The following BTBD2 variants were observed in gnomAD, a reference collection of about 807,000 sequenced individuals.
BTBD2 encodes the protein BTB/POZ domain-containing protein 2.
In BTBD2, 15 loss-of-function variants were observed where a neutral mutation model predicts 44.0. The ratio of observed to expected loss-of-function variants is 0.34; its 90% CI spans 0.23 to 0.53. The LOEUF (loss-of-function observed/expected upper bound fraction) is 0.53. Among genes scored for constraint, BTBD2 ranks in the 20% least tolerant of loss-of-function variants. The pLI is 0.95. For missense variants in BTBD2, 657 were observed against 746.4 expected, an observed-to-expected ratio of 0.88 and a Z score of 1.39; for synonymous variants, 443 against 335.9, an observed-to-expected ratio of 1.32 and a Z score of -3.49.
At chr19:2,000,836 C>T (rs981752368) in intron 1 of BTBD2, among the ~76,000 whole-genome samples, 2 of 152,206 alleles carry the variant, frequency 1.3e-5, no homozygotes, top group African/African-American at 2.4e-5. Flanking sequence ...CACTGGAACA[C>T]GACCCAGCCA....
intron 1 of BTBD2, among the ~76,000 whole-genome samples, chr19:2,000,927 CAGA>C (rs962025818): frequency 6.6e-6 from 1 of 152,164 alleles, no homozygotes; most frequent in African/African-American, 2.4e-5. Context: ...ACGCCAGGCA[CAGA>C]AGGACAAATC....
At chr19:1,996,543 G>A (rs1179799512) in intron 2 of BTBD2, among the ~76,000 whole-genome samples, 2 of 46,222 alleles carry the variant, frequency 4.3e-5, no homozygotes, top group East Asian at 8.1e-4. Context: ...GAGCAAAACT[G>A]TCAAAAAAAA....
intron 1 of BTBD2, among the ~76,000 whole-genome samples, chr19:2,012,822 C>T (rs925215134): frequency 6.6e-6 from 1 of 152,222 alleles, no homozygotes; most frequent in African/African-American, 2.4e-5. Context: ...AGTGCAATCG[C>T]ATACATGTCC....
At chr19:2,008,966 G>C (rs926988512) in intron 1 of BTBD2, among the ~76,000 whole-genome samples, 2 of 151,422 alleles carry the variant, frequency 1.3e-5, no homozygotes, top group Admixed American at 1.3e-4. Context: ...TGTGTTATGG[G>C]AACAAGGACT....
intron 3 of BTBD2, 93 bp from the exon 4 acceptor site, chr19:1,990,915 G>A (rs970539748): frequency 1.4e-5 from 16 of 1,147,766 alleles, no homozygotes; most frequent in Non-Finnish European, 1.9e-5. Flanking sequence ...ATGCAGCCCT[G>A]ACCACACGGG....
At chr19:1,987,084 G>C (rs756365423) in intron 7 of BTBD2, 82 bp downstream of exon 7, 2 of 1,593,276 alleles carry the variant, frequency 1.3e-6, no homozygotes, top group Admixed American at 1.7e-5. Context: ...GACCAGGGCC[G>C]GGGGTTCAGC....
chr19:2,004,447 A>ACG (rs2016368949), intron 1 of BTBD2, among the ~76,000 whole-genome samples: 1 of 151,832 alleles, frequency 6.6e-6, no homozygotes, highest in Non-Finnish European at 1.5e-5. Context: ...ACAGGCATGC[A>ACG]TCACCACGCC....
intron 1 of BTBD2, among the ~76,000 whole-genome samples, chr19:2,009,449 C>G (rs1218856034): frequency 6.6e-6 from 1 of 151,876 alleles, no homozygotes; most frequent in Non-Finnish European, 1.5e-5. Flanking sequence ...CCGCCTGACT[C>G]GGCCTCCCAA....
chr19:2,011,715 C>T (rs1051822703), intron 1 of BTBD2, among the ~76,000 whole-genome samples: 1 of 152,148 alleles, frequency 6.6e-6, no homozygotes, highest in African/African-American at 2.4e-5. Flanking sequence ...TCTCCTGCCT[C>T]CCCTTCCACC....
chr19:2,015,670 A>C lies in BTBD2; in HGVS notation c.34T>G (p.Cys12Gly). Residue 12 changes from cysteine (C) to glycine (G), a missense_variant, in exon 1 of 9, where the codon TGC becomes GGC. Cys to Gly is a radical substitution (Grantham distance 159, BLOSUM62 -3). Coordinates refer to ENST00000255608, the MANE Select transcript of BTBD2 (RefSeq NM_017797.4). Reference protein sequence around the residue: ...AAGGSGGRASCPPGVGVGPGT... With the variant: ...AAGGSGGRASGPPGVGVGPGT... The stretch of plus-strand genomic sequence containing the variant: ...GGGCCGACCCCGACCCCCGGCGGGC[A>C]CGACGCACGCCCGCCGCTCCCACCC... The C allele has an allele frequency of 2.0e-6, 2 of 979,056 alleles. No homozygotes were observed. The allele number at this position is 979,056 out of a possible 1,614,324, so 60.6% of individuals were successfully genotyped here. A position where few individuals can be genotyped will look rare whatever the true frequency, so the allele number is the denominator to read the frequency against.
rs1478105718 is a variant in BTBD2 at position 1,987,591 on chromosome 19, G to A, written c.1090C>T (p.Arg364Cys). The A allele has an allele frequency of 6.2e-7, 1 of 1,612,674 alleles. No homozygotes were observed. Among genetic ancestry groups the A allele is most frequent in the Non-Finnish European group, 8.5e-7 (1 of 1,179,692 alleles). Residue 364 changes from arginine (R) to cysteine (C), a missense_variant, in exon 6 of 9, where the codon CGC (arginine) becomes TGC (cysteine). By Grantham distance (180) the Arg-to-Cys change is radical. This residue lies in a region of BTBD2 where 449 missense variants were observed against 510.9 expected (regional missense o/e 0.88). Transcript: ENST00000255608. ...CACTCCTTCCCACGCAGGCAGCAGC[G>A]GGGCCGGTCAATGAACTCCACTCGT... ...KPRVEFIDRP[R>C]CCLRGKECSI...
intron 1 of BTBD2, among the ~76,000 whole-genome samples, chr19:2,012,047 T>G (rs1380974498): frequency 4.6e-5 from 7 of 150,888 alleles, no homozygotes; most frequent in East Asian, 1.9e-4. Context: ...GTAGAGACGG[T>G]GTTTCACCAC....
At chr19:1,998,046 GCATT>G (rs1437394099) in intron 1 of BTBD2, among the ~76,000 whole-genome samples, 4 of 152,010 alleles carry the variant, frequency 2.6e-5, no homozygotes, top group South Asian at 2.1e-4. Flanking sequence ...TATGACACAT[GCATT>G]CATTCACTTT....
In BTBD2 at chr19:2,015,571, CGG is replaced by C. The variant is rs1285447776; in HGVS notation, c.131_132del (p.Ala44GlyfsTer103). 1.2e-4 allele frequency: 117 copies of C among 950,326 alleles called. No individual in the cohort carries two copies. The highest frequency in any genetic ancestry group is 5.5e-4 in the Middle Eastern group (1 of 1,834). The allele number at this position is 950,326 out of a possible 1,614,324, so 58.9% of individuals were successfully genotyped here. ...ATPAPGNAAA[A>X]AAAAAAAAAA... ...GCGGCGGCGGCGGCGGCGGCGGCGG[CGG>C]CGGCGGCCGCGTTGCCGGGGGCCGG... On this transcript the variant is annotated frameshift_variant, in exon 1 of 9. Transcript: ENST00000255608. LOFTEE classifies it high-confidence loss of function.
chr19:1,997,832 G>A (rs536921523), intron 1 of BTBD2, among the ~76,000 whole-genome samples: 23 of 152,236 alleles, frequency 1.5e-4, no homozygotes, highest in South Asian at 1.0e-3. Flanking sequence ...TCACACATAC[G>A]TTCATTCATG....
At chr19:2,008,038 C>A (rs2016416938) in intron 1 of BTBD2, among the ~76,000 whole-genome samples, 1 of 150,510 alleles carries the variant, frequency 6.6e-6, no homozygotes, top group African/African-American at 2.4e-5. Context: ...GAATTTTACT[C>A]TTTTTGCCCA....
intron 3 of BTBD2, 161 bp from the exon 4 acceptor site, chr19:1,990,983 T>C (rs531794927): frequency 1.6e-6 from 1 of 637,730 alleles, no homozygotes; most frequent in South Asian, 1.9e-5. Context: ...GGCCCTGTTG[T>C]GGGCCCAGAG....
chr19:2,009,175 C>A (rs1292776772), intron 1 of BTBD2, among the ~76,000 whole-genome samples: 3 of 146,358 alleles, frequency 2.0e-5, no homozygotes, highest in South Asian at 2.2e-4. Context: ...CTCGCCACCA[C>A]GCCCGGCTAA....
chr19:2,000,999 G>C (rs759935457), intron 1 of BTBD2, among the ~76,000 whole-genome samples: 1 of 152,176 alleles, frequency 6.6e-6, no homozygotes, highest in East Asian at 1.9e-4. Context: ...CAGAAAGGAT[G>C]GGGGACGGGC....
Sources: gnomAD v4.1 joint callset for allele counts (sites outside exome capture counted in the v4.1 genomes callset) on GRCh38, gnomAD v4.1.1 for gene constraint, gnomAD v4.1.1 regional missense constraint, MANE v1.5 for transcripts, NCBI Gene and HGNC (gene_info 2026-07-23, HGNC 2026-07-21) for gene names.